The following TMEM163 variants were observed in gnomAD, a reference collection of about 807,000 sequenced individuals.
TMEM163 encodes transmembrane protein 163.
In TMEM163, 17 loss-of-function variants were observed where a neutral mutation model predicts 29.3. That is an observed-to-expected ratio of 0.58 (90% CI 0.40 to 0.87). The LOEUF (loss-of-function observed/expected upper bound fraction) is 0.87, where lower values mean the gene tolerates loss of function less well. Among genes scored for constraint, TMEM163 ranks in the 40% least tolerant of loss-of-function variants. TMEM163 has a pLI of 0.00. For missense variants in TMEM163, 303 were observed against 381.5 expected (o/e 0.79, Z 1.71); for synonymous variants, 157 against 160.6 (o/e 0.98, Z 0.17).
At chr2:134,510,183 G>GA (rs1326984641) in intron 4 of TMEM163, among the ~76,000 whole-genome samples, 6 of 151,716 alleles carry the variant, frequency 4.0e-5, no homozygotes, top group Non-Finnish European at 8.8e-5. Context: ...ATGTACCTCA[G>GA]AAAAAAAAGA....
intron 2 of TMEM163, among the ~76,000 whole-genome samples, chr2:134,686,647 T>G (rs1346883558): frequency 6.6e-6 from 1 of 152,148 alleles, no homozygotes; most frequent in African/African-American, 2.4e-5. Flanking sequence ...GCAGTAAAAA[T>G]TATAAATACA....
rs1396847585 is a variant in TMEM163, at chr2:134,456,144, A to ACTT, written c.*569_*571dup. 1 of 153,292 alleles carries ACTT rather than the reference A, an allele frequency of 6.5e-6. No homozygotes were observed. The highest frequency in any genetic ancestry group is 2.4e-5 in the African/African-American group (1 of 41,450). 9.5% of individuals were successfully genotyped at this position (153,292 alleles called of 1,614,324 possible). On this transcript the variant is annotated 3_prime_UTR_variant, in exon 8 of 8. Coordinates refer to ENST00000281924, the MANE Select transcript of TMEM163 (RefSeq NM_030923.5). ...AAAGCTTATACGTGTATCACTAAGTACTTTAAAAAATAGAATGGTCTCCTT... is the reference window on the plus strand; with the variant it reads ...AAAGCTTATACGTGTATCACTAAGTACTTCTTTAAAAAATAGAATGGTCTCCTT...
chr2:134,669,171 G>C (rs945826576), intron 2 of TMEM163, among the ~76,000 whole-genome samples: 2 of 152,162 alleles, frequency 1.3e-5, no homozygotes, highest in African/African-American at 4.8e-5. Flanking sequence ...GCACTATAAG[G>C]ACCAAAGTCC....
intron 4 of TMEM163, among the ~76,000 whole-genome samples, chr2:134,508,036 T>C (rs1402935257): frequency 1.3e-5 from 2 of 152,180 alleles, no homozygotes; most frequent in Non-Finnish European, 2.9e-5. Flanking sequence ...TCTAGAAGCA[T>C]CAGTTTTTGA....
At chr2:134,604,382 C>G (rs867393834) in intron 2 of TMEM163, among the ~76,000 whole-genome samples, 4 of 151,170 alleles carry the variant, frequency 2.6e-5, no homozygotes, top group African/African-American at 9.7e-5. Context: ...ACTAGATAAG[C>G]TGTTCATGAA....
chr2:134,558,130 G>T (rs536536343), intron 2 of TMEM163, among the ~76,000 whole-genome samples: 1 of 152,266 alleles, frequency 6.6e-6, no homozygotes, highest in East Asian at 1.9e-4. Context: ...TAACAGGGCG[G>T]CATATGACTA....
intron 2 of TMEM163, among the ~76,000 whole-genome samples, chr2:134,704,508 G>A (rs377222863): frequency 6.6e-6 from 1 of 152,138 alleles, no homozygotes; most frequent in Admixed American, 6.5e-5. Context: ...CAACACTGCA[G>A]TTCAACCTCC....
intron 5 of TMEM163, among the ~76,000 whole-genome samples, chr2:134,490,110 A>G (rs1679398637): frequency 6.6e-6 from 1 of 152,240 alleles, no homozygotes; most frequent in Non-Finnish European, 1.5e-5. Flanking sequence ...TTTGAGAGAC[A>G]AGTAGACAAA....
intron 2 of TMEM163, among the ~76,000 whole-genome samples, chr2:134,666,550 C>T (rs1032378064): frequency 1.3e-5 from 2 of 152,214 alleles, no homozygotes; most frequent in African/African-American, 4.8e-5. Flanking sequence ...GAGCAGAATC[C>T]TCCACCTTCC....
chr2:134,581,709 A>T (rs1681698702), intron 2 of TMEM163, among the ~76,000 whole-genome samples: 1 of 152,110 alleles, frequency 6.6e-6, no homozygotes, highest in Admixed American at 6.6e-5. Context: ...TGAGGGGAGG[A>T]TCTCCTACCT....
chr2:134,712,683 T>C (rs1185085946), intron 2 of TMEM163, among the ~76,000 whole-genome samples: 1 of 152,196 alleles, frequency 6.6e-6, no homozygotes, highest in Admixed American at 6.5e-5. Flanking sequence ...TTTTCTTAAT[T>C]GTAATACATG....
At chr2:134,704,769 A>T (rs1684772181) in intron 2 of TMEM163, among the ~76,000 whole-genome samples, 1 of 152,098 alleles carries the variant, frequency 6.6e-6, no homozygotes. Flanking sequence ...TGAGCTCTTC[A>T]TTATCTCTGG....
At position 134,456,531 on chromosome 2, in the gene TMEM163, T is replaced by TTGATGGGGGCGGCAGG. The variant is rs1686399458; in HGVS notation, c.*169_*184dup. On this transcript the variant is annotated 3_prime_UTR_variant, in exon 8 of 8. Transcript: ENST00000281924. ...TCCTATGGGCATTGTCCCAACATGT[T>TTGATGGGGGCGGCAGG]TGATGGGGGCGGCAGGTGATGGGGG... The TTGATGGGGGCGGCAGG allele has an allele frequency of 1.5e-6, 1 of 655,500 alleles. No individual in the cohort carries two copies. Among genetic ancestry groups the TTGATGGGGGCGGCAGG allele is most frequent in the Non-Finnish European group, 2.7e-6 (1 of 372,292 alleles). The allele number at this position is 655,500 out of a possible 1,614,324, so 40.6% of individuals were successfully genotyped here.
At chr2:134,464,481 T>C (rs1202275807) in intron 6 of TMEM163, among the ~76,000 whole-genome samples, 1 of 152,098 alleles carries the variant, frequency 6.6e-6, no homozygotes, top group East Asian at 1.9e-4. Context: ...GTATCTGGGG[T>C]CTGGGATTTT....
chr2:134,674,762 G>A (rs993951526), intron 2 of TMEM163, among the ~76,000 whole-genome samples: 2 of 152,002 alleles, frequency 1.3e-5, no homozygotes, highest in African/African-American at 4.8e-5. Flanking sequence ...GATCACAAAC[G>A]ACTGCAAAAA....
intron 4 of TMEM163, among the ~76,000 whole-genome samples, chr2:134,535,580 T>C (rs116235613): frequency 0.031 from 4,784 of 152,306 alleles, 114 homozygotes; most frequent in Non-Finnish European, 0.047. Context: ...GTTTCAATTA[T>C]ACGAGACGAA....
intron 2 of TMEM163, among the ~76,000 whole-genome samples, chr2:134,631,678 G>A (rs1331337731): frequency 6.6e-6 from 1 of 152,148 alleles, no homozygotes; most frequent in African/African-American, 2.4e-5. Context: ...ATACTGAGCT[G>A]GTATGTGCTG....
intron 5 of TMEM163, among the ~76,000 whole-genome samples, chr2:134,471,266 A>G (rs1261047956): frequency 6.6e-6 from 1 of 152,212 alleles, no homozygotes; most frequent in Admixed American, 6.5e-5. Flanking sequence ...CCCCAATGTG[A>G]TAGTATTTGG....
At chr2:134,470,856 T>C (rs575764330) in intron 5 of TMEM163, among the ~76,000 whole-genome samples, 1 of 152,324 alleles carries the variant, frequency 6.6e-6, no homozygotes, top group East Asian at 1.9e-4. Flanking sequence ...GTCACAGAGA[T>C]GCAGTCAGCA....
Sources: allele counts gnomAD v4.1 joint callset (sites outside exome capture counted in the v4.1 genomes callset), GRCh38; gene constraint gnomAD v4.1.1; transcripts MANE v1.5; gene names NCBI Gene and HGNC (gene_info 2026-07-23, HGNC 2026-07-21).